Variants in PIK3R4 observed in about 807,000 individuals in gnomAD.
PIK3R4 encodes the protein phosphoinositide 3-kinase regulatory subunit 4.
Under a neutral mutation model 136.5 loss-of-function variants are expected in PIK3R4, and 46 were observed. The observed-to-expected ratio is 0.34, with a 90% CI of 0.27 to 0.43. The LOEUF (loss-of-function observed/expected upper bound fraction) is 0.43, where lower values mean the gene tolerates loss of function less well. Ranked by LOEUF, PIK3R4 falls within the 20% of genes least tolerant of loss-of-function variation. PIK3R4 has a pLI of 1.00. For missense variants in PIK3R4, 1,331 were observed against 1,649.5 expected (o/e 0.81, Z 3.35); for synonymous variants, 557 against 566.7 (o/e 0.98, Z 0.24).
In PIK3R4 at chr3:130,734,059, G is replaced by A; in HGVS notation, c.939C>T (p.Gly313=). Residue 313 remains glycine, a synonymous_variant, in exon 4 of 20, where the codon GGC becomes GGT. Coordinates refer to ENST00000356763, the MANE Select transcript of PIK3R4 (RefSeq NM_014602.3). The part of the protein sequence containing the change: ...EAEDYLKQQR[G]NAFPEIFYTF... ...TGTAAAATATTTCAGGAAAGGCATT[G>A]CCACGCTGCTGTTTTAAGTAATCTT... 6.2e-7 allele frequency: 1 copy of A among 1,614,106 alleles called. No individual in the cohort carries two copies. Among genetic ancestry groups the A allele is most frequent in the South Asian group, 1.1e-5 (1 of 91,076 alleles).
intron 7 of PIK3R4, among the ~76,000 whole-genome samples, chr3:130,722,900 CAA>C (rs758224745): frequency 7.0e-5 from 8 of 114,744 alleles, no homozygotes; most frequent in Non-Finnish European, 9.4e-5. Context: ...ACTAAAAATA[CAA>C]AAAAAAAAAA....
chr3:130,680,965 G>GAGAT lies in PIK3R4; in HGVS notation c.3797+8_3797+11dup, dbSNP rs755006986. On this transcript the variant is annotated intron_variant, in intron 18 of 19. Coordinates refer to ENST00000356763, the MANE Select transcript of PIK3R4 (RefSeq NM_014602.3). ...AAAGTATCCATTTTATTAAAGTATT[G>GAGAT]AGATAGTGTACCTTATTTTCATATC... 10 of 1,320,560 alleles carry GAGAT rather than the reference G, an allele frequency of 7.6e-6. No individual in the cohort carries two copies. In the East Asian group the frequency reaches 1.4e-4, roughly 18 times the overall value. The allele number at this position is 1,320,560 out of a possible 1,614,324, so 81.8% of individuals were successfully genotyped here. A position where few individuals can be genotyped will look rare whatever the true frequency, so the allele number is the denominator to read the frequency against.
rs567149085 is a variant in PIK3R4, at chr3:130,739,525, C to G, written c.734-3523G>C. 2.6e-5 allele frequency among the ~76,000 whole-genome samples: 4 copies of G among 152,174 alleles called. No homozygotes were observed. The East Asian group carries it at 7.7e-4, about 29-fold the overall frequency. ...TAGCTGGGACTACAGGTGTACACCA[C>G]CACGCCCAACTAATTTTTTACATTT... On this transcript the variant is annotated intron_variant, in intron 2 of 19. Transcript: ENST00000356763.
intron 3 of PIK3R4, 86 bp from the exon 4 acceptor site, chr3:130,734,216 G>A (rs1034236653): frequency 6.9e-5 from 73 of 1,063,556 alleles, no homozygotes; most frequent in African/African-American, 1.1e-4. Context: ...ATTTACATAC[G>A]ATTTAAAGGA....
intron 13 of PIK3R4, among the ~76,000 whole-genome samples, chr3:130,701,691 G>C (rs1373810298): frequency 6.6e-6 from 1 of 152,002 alleles, no homozygotes; most frequent in African/African-American, 2.4e-5. Flanking sequence ...CTCATGGAAT[G>C]GTTCATTTAA....
intron 13 of PIK3R4, among the ~76,000 whole-genome samples, chr3:130,691,520 A>G (rs1245548242): frequency 6.6e-6 from 1 of 152,060 alleles, no homozygotes; most frequent in Admixed American, 6.6e-5. Flanking sequence ...TGAATATATC[A>G]TCTACACAGG....
intron 2 of PIK3R4, among the ~76,000 whole-genome samples, chr3:130,742,838 C>T (rs950459882): frequency 1.3e-5 from 2 of 152,216 alleles, no homozygotes; most frequent in Admixed American, 6.5e-5. Flanking sequence ...GTACCACTCT[C>T]AACACACTTC....
intron 13 of PIK3R4, among the ~76,000 whole-genome samples, chr3:130,703,007 A>T (rs1264867201): frequency 6.6e-6 from 1 of 152,174 alleles, no homozygotes; most frequent in African/African-American, 2.4e-5. Context: ...CTACCAAGCG[A>T]CCAGCTCTTG....
In PIK3R4 at chr3:130,733,780, A is replaced by C. The variant is rs571240913; in HGVS notation, c.1218T>G (p.Ala406=). The C allele has an allele frequency of 1.2e-6, 2 of 1,614,058 alleles. No homozygotes were observed. The highest frequency in any genetic ancestry group is 2.7e-5 in the African/African-American group (2 of 74,932). The change falls in exon 4 of 20, where the codon GCT becomes GCG. Residue 406 remains alanine (A), a synonymous_variant. Coordinates refer to ENST00000356763, the MANE Select transcript of PIK3R4 (RefSeq NM_014602.3). ...LAALELILHL[A]PRLSVEILLD... is the part of the protein sequence containing the mutation. The stretch of plus-strand genomic sequence containing the variant: ...AAAGGATTTCAACACTTAATCTTGG[A>C]GCCAAATGAAGAATCAGTTCCAAAG...
intron 10 of PIK3R4, among the ~76,000 whole-genome samples, chr3:130,707,985 G>A (rs911254981): frequency 2.0e-5 from 3 of 152,146 alleles, no homozygotes; most frequent in African/African-American, 7.2e-5. Flanking sequence ...TTAAAAAACA[G>A]AATTTCATCT....
rs371211302 is a variant in PIK3R4 at position 130,735,953 on chromosome 3, G to A, written c.783C>T (p.Leu261=). 40 of 1,612,082 alleles carry A rather than the reference G, an allele frequency of 2.5e-5. No individual in the cohort carries two copies. In the African/African-American group the frequency reaches 5.1e-4, roughly 20 times the overall value. The change falls in exon 3 of 20, where the codon CTC becomes CTT. Residue 261 remains leucine (L), a synonymous_variant. Coordinates refer to ENST00000356763, the MANE Select transcript of PIK3R4 (RefSeq NM_014602.3). ...CATTTCTATAAGCCAAAAGTTGAGAGAGATCAAATAATGGTACACCTTCTG... is the reference window on the plus strand; with the variant it reads ...CATTTCTATAAGCCAAAAGTTGAGAAAGATCAAATAATGGTACACCTTCTG... ...LFTEGVPLFD[L]SQLLAYRNGH...
At chr3:130,741,457 G>A (rs962190830) in intron 2 of PIK3R4, among the ~76,000 whole-genome samples, 6 of 152,152 alleles carry the variant, frequency 3.9e-5, no homozygotes, top group Non-Finnish European at 8.8e-5. Context: ...ATGCAGCAGT[G>A]AATTCATATT....
At chr3:130,721,409 A>T (rs1259207328) in intron 7 of PIK3R4, among the ~76,000 whole-genome samples, 1 of 152,188 alleles carries the variant, frequency 6.6e-6, no homozygotes, top group South Asian at 2.1e-4. Context: ...ATACATCCAA[A>T]GGAAATGAAA....
chr3:130,681,009 G>C lies in PIK3R4; in HGVS notation c.3765C>G (p.Ile1255Met). 6.3e-7 allele frequency: 1 copy of C among 1,588,796 alleles called. No individual in the cohort carries two copies. Among genetic ancestry groups the C allele is most frequent in the South Asian group, 1.1e-5 (1 of 88,902 alleles). ...TCATATCTGAGCCAGCTGTTAGTAG[G>C]ATAGGATTTCCATCTGCAGGACTAC... ...IYCSPADGNPILLTAGSDMKI... is the reference protein window; with the variant it reads ...IYCSPADGNPMLLTAGSDMKI... Residue 1255 changes from isoleucine (I) to methionine (M), a missense_variant, in exon 18 of 20, where the codon ATC (isoleucine) becomes ATG (methionine). By Grantham distance (10) the Ile-to-Met change is conservative (BLOSUM62 1). Coordinates refer to ENST00000356763, the MANE Select transcript of PIK3R4 (RefSeq NM_014602.3).
At chr3:130,740,772 T>C (rs1021281294) in intron 2 of PIK3R4, among the ~76,000 whole-genome samples, 2 of 151,698 alleles carry the variant, frequency 1.3e-5, no homozygotes, top group African/African-American at 4.8e-5. Context: ...CACACTGAAA[T>C]GTTTCAGGGT....
intron 16 of PIK3R4, among the ~76,000 whole-genome samples, chr3:130,682,897 G>T (rs571015736): frequency 4.7e-4 from 72 of 152,290 alleles, no homozygotes; most frequent in African/African-American, 1.5e-3. Context: ...GCCAATGGAA[G>T]GTACTGAGCA....
chr3:130,730,292 G>T lies in PIK3R4; in HGVS notation c.1585+16C>A. ...ATTCTAAATAACAGGAAATCTGGAA[G>T]AGAAAATTATACAACCTGTGTCATA... On this transcript the variant is annotated intron_variant, in intron 5 of 19. Transcript: ENST00000356763. 1 of 1,572,558 alleles carries T rather than the reference G, an allele frequency of 6.4e-7. No homozygotes were observed. Among genetic ancestry groups the T allele is most frequent in the South Asian group, 1.2e-5 (1 of 84,608 alleles).
chr3:130,690,894 C>CTTT (rs1247659280), intron 13 of PIK3R4, among the ~76,000 whole-genome samples: 14 of 131,840 alleles, frequency 1.1e-4, no homozygotes, highest in South Asian at 4.6e-4. Context: ...TCCTTCTCCT[C>CTTT]TTTTTTTTTT....
In PIK3R4 at chr3:130,679,108, TG is replaced by T; in HGVS notation, c.*206del. 1 of 332,418 alleles carries T rather than the reference TG, an allele frequency of 3.0e-6. No homozygotes were observed. The highest frequency in any genetic ancestry group is 4.9e-5 in the East Asian group (1 of 20,364). 20.6% of individuals were successfully genotyped at this position (332,418 alleles called of 1,614,324 possible). A position where few individuals can be genotyped will look rare whatever the true frequency, so the allele number is the denominator to read the frequency against. On this transcript the variant is annotated 3_prime_UTR_variant, in exon 20 of 20. Transcript: ENST00000356763. ...AATAAAAATCCCAGACATTGTTGGCTGGCTGATTCTTGCAAAGAGATGCATA... is the reference window on the plus strand; with the variant it reads ...AATAAAAATCCCAGACATTGTTGGCTGCTGATTCTTGCAAAGAGATGCATA...
Sources: gnomAD v4.1 joint callset for allele counts (sites outside exome capture counted in the v4.1 genomes callset) on GRCh38, gnomAD v4.1.1 for gene constraint, MANE v1.5 for transcripts, NCBI Gene and HGNC (gene_info 2026-07-23, HGNC 2026-07-21) for gene names.